The following STAG1 variants were observed in gnomAD, a reference collection of about 807,000 sequenced individuals.
The protein encoded by STAG1 is cohesin subunit SA-1.
STAG1 carries 26 observed loss-of-function variants against 170.9 expected under a neutral mutation model. The ratio of observed to expected loss-of-function variants is 0.15; its 90% CI spans 0.11 to 0.21. The LOEUF (loss-of-function observed/expected upper bound fraction) is 0.21, where lower values mean the gene tolerates loss of function less well. Among genes scored for constraint, STAG1 ranks in the 10% least tolerant of loss-of-function variants. The pLI is 1.00. For synonymous variants in STAG1, 514 were observed against 497.7 expected, an observed-to-expected ratio of 1.03 and a Z score of -0.44; for missense variants, 964 against 1,509.5, an observed-to-expected ratio of 0.64 and a Z score of 5.99.
chr3:136,654,503 A>T (rs1941312343), intron 1 of STAG1, among the ~76,000 whole-genome samples: 1 of 152,260 alleles, frequency 6.6e-6, no homozygotes, highest in Non-Finnish European at 1.5e-5. Flanking sequence ...AAGTAAAAAC[A>T]CATCCCACGT....
chr3:136,378,283 C>A (rs181037433), intron 22 of STAG1, among the ~76,000 whole-genome samples: 1 of 152,310 alleles, frequency 6.6e-6, no homozygotes, highest in Admixed American at 6.5e-5. Flanking sequence ...CTCTTAACTG[C>A]AGCAAAGTTG....
intron 21 of STAG1, among the ~76,000 whole-genome samples, chr3:136,400,724 C>T (rs1467997280): frequency 2.0e-5 from 3 of 151,930 alleles, no homozygotes; most frequent in African/African-American, 7.2e-5. Context: ...TTAGTAGAGA[C>T]AGGGCTTCAC....
At chr3:136,739,520 G>GAAAAAA (rs1324004295) in intron 1 of STAG1, among the ~76,000 whole-genome samples, 1 of 120,720 alleles carries the variant, frequency 8.3e-6, no homozygotes, top group Non-Finnish European at 1.7e-5. Context: ...AAAAAAAAAA[G>GAAAAAA]AAAAAAAAAA....
At chr3:136,675,774 C>T (rs1001594515) in intron 1 of STAG1, among the ~76,000 whole-genome samples, 1 of 152,024 alleles carries the variant, frequency 6.6e-6, no homozygotes, top group Admixed American at 6.5e-5. Flanking sequence ...TTTTCATATA[C>T]ATGAAATCAT....
chr3:136,428,148 CAAG>C (rs1389028518), intron 16 of STAG1, among the ~76,000 whole-genome samples: 1 of 151,664 alleles, frequency 6.6e-6, no homozygotes, highest in African/African-American at 2.4e-5. Flanking sequence ...CACTTTAAAG[CAAG>C]AAGAAATACA....
intron 14 of STAG1, among the ~76,000 whole-genome samples, chr3:136,444,857 T>C (rs1035678182): frequency 6.6e-6 from 1 of 152,134 alleles, no homozygotes; most frequent in African/African-American, 2.4e-5. Flanking sequence ...TTAACTTCAG[T>C]GTGATTTTTT....
At chr3:136,339,521 CTAAA>C (rs1196819173) in intron 32 of STAG1, among the ~76,000 whole-genome samples, 3 of 152,146 alleles carry the variant, frequency 2.0e-5, no homozygotes, top group East Asian at 1.9e-4. Context: ...GACTCCATCT[CTAAA>C]TAAATAAATA....
chr3:136,743,138 G>T (rs1214701386), intron 1 of STAG1, among the ~76,000 whole-genome samples: 1 of 152,116 alleles, frequency 6.6e-6, no homozygotes, highest in East Asian at 1.9e-4. Flanking sequence ...AGGCCGAGAA[G>T]GGTGAACAGC....
chr3:136,514,032 G>T (rs1317883790), intron 7 of STAG1, among the ~76,000 whole-genome samples: 3 of 152,008 alleles, frequency 2.0e-5, no homozygotes, highest in African/African-American at 7.2e-5. Flanking sequence ...AACAAGTTAT[G>T]GCATAGTCAT....
chr3:136,673,386 C>G (rs1029472736), intron 1 of STAG1, among the ~76,000 whole-genome samples: 9 of 152,108 alleles, frequency 5.9e-5, no homozygotes, highest in South Asian at 2.1e-4. Context: ...CTAGGATGAA[C>G]AGTATTTCAT....
At chr3:136,577,698 C>T (rs993572217) in intron 4 of STAG1, among the ~76,000 whole-genome samples, 2 of 152,164 alleles carry the variant, frequency 1.3e-5, no homozygotes, top group Non-Finnish European at 2.9e-5. Context: ...TCTCACCATG[C>T]TCCAAGAACA....
At chr3:136,623,123 A>G (rs1029709189) in intron 3 of STAG1, 23 bp downstream of exon 3, 1 of 1,592,000 alleles carries the variant, frequency 6.3e-7, no homozygotes, top group Admixed American at 1.7e-5. Context: ...TAAAGGAACA[A>G]AGAAGACAAG....
chr3:136,737,165 A>G (rs1180701440), intron 1 of STAG1: 16 of 762,726 alleles, frequency 2.1e-5, no homozygotes, highest in Non-Finnish European at 3.1e-5. Context: ...GTTTCACCTC[A>G]CTGTAGAAGG....
chr3:136,566,568 A>G (rs1449857895), intron 5 of STAG1, among the ~76,000 whole-genome samples: 1 of 152,242 alleles, frequency 6.6e-6, no homozygotes, highest in Non-Finnish European at 1.5e-5. Context: ...ACTTTTAAAA[A>G]TCAGACTGAA....
intron 28 of STAG1, among the ~76,000 whole-genome samples, chr3:136,355,119 G>A (rs1365734957): frequency 2.0e-5 from 3 of 151,950 alleles, no homozygotes; most frequent in South Asian, 4.1e-4. Context: ...TTGGGAGGCC[G>A]AGGTGGGCAG....
chr3:136,700,351 T>C lies in STAG1; in HGVS notation c.-84+51844A>G, dbSNP rs148170552. On this transcript the variant is annotated intron_variant, in intron 1 of 33. Transcript: ENST00000383202. The stretch of plus-strand genomic sequence containing the variant: ...TCGGTCTGCTGAATAACTAAAAGTA[T>C]TTAATCTTTTAAACTCATTCAATTT... Among the ~76,000 whole-genome samples, 1,510 of 151,588 alleles carry C rather than the reference T, an allele frequency of 1.0e-2. 13 individuals carry two copies. Among genetic ancestry groups the C allele is most frequent in the Non-Finnish European group, 0.015 (1,036 of 67,942 alleles).
intron 9 of STAG1, among the ~76,000 whole-genome samples, chr3:136,484,357 C>T (rs1012251728): frequency 9.9e-4 from 146 of 146,972 alleles, no homozygotes; most frequent in Non-Finnish European, 1.3e-3. Context: ...TCAGTGTGCC[C>T]CTGCTGTGGG....
At chr3:136,494,455 G>C (rs192311565) in intron 9 of STAG1, among the ~76,000 whole-genome samples, 1 of 152,264 alleles carries the variant, frequency 6.6e-6, no homozygotes, top group East Asian at 1.9e-4. Flanking sequence ...AGAGCAGGAA[G>C]AATAGTTCCC....
At chr3:136,613,418 A>G (rs1288876120) in intron 3 of STAG1, among the ~76,000 whole-genome samples, 1 of 151,758 alleles carries the variant, frequency 6.6e-6, no homozygotes, top group East Asian at 1.9e-4. Context: ...TCTAATAGGC[A>G]TGTAGTAGGA....
Sources: gnomAD v4.1 joint callset for allele counts (sites outside exome capture counted in the v4.1 genomes callset) on GRCh38, gnomAD v4.1.1 for gene constraint, MANE v1.5 for transcripts, NCBI Gene and HGNC (gene_info 2026-07-23, HGNC 2026-07-21) for gene names.